The following PCDHGA4 variants were observed in gnomAD, a reference collection of about 807,000 sequenced individuals.
The protein encoded by PCDHGA4 is protocadherin gamma-A4.
PCDHGA4 carries 38 observed loss-of-function variants against 54.6 expected under a neutral mutation model. The ratio of observed to expected loss-of-function variants is 0.70; its 90% CI spans 0.54 to 0.91. PCDHGA4 has a LOEUF of 0.91. Among genes scored for constraint, PCDHGA4 ranks in the 40% least tolerant of loss-of-function variants. The pLI is 0.00. For synonymous variants in PCDHGA4, 511 were observed against 512.9 expected (o/e 1.00, Z 0.05); for missense variants, 1,298 against 1,220.9 (o/e 1.06, Z -0.94).
intron 1 of PCDHGA4, among the ~76,000 whole-genome samples, chr5:141,470,600 G>A (rs890975756): frequency 4.6e-5 from 7 of 152,142 alleles, no homozygotes; most frequent in South Asian, 2.1e-4. Context: ...CGACCTGTGC[G>A]GGGACACAGG....
At chr5:141,464,189 C>T (rs1215955823) in intron 1 of PCDHGA4, among the ~76,000 whole-genome samples, 1 of 150,620 alleles carries the variant, frequency 6.6e-6, no homozygotes, top group Non-Finnish European at 1.5e-5. Context: ...TGCTTGATTT[C>T]AGGAGGCGGA....
chr5:141,504,135 C>T (rs758903340), intron 2 of PCDHGA4, among the ~76,000 whole-genome samples: 1 of 152,188 alleles, frequency 6.6e-6, no homozygotes, highest in Non-Finnish European at 1.5e-5. Context: ...CCCGCCAACA[C>T]TCCCCTGCAA....
At position 141,417,952 on chromosome 5, in the gene PCDHGA4, G is replaced by C. The variant is rs766243694; in HGVS notation, c.2514+60331G>C. 10 of 1,613,510 alleles carry C rather than the reference G, an allele frequency of 6.2e-6. No individual in the cohort carries two copies. In the African/African-American group the frequency reaches 1.3e-4, roughly 22 times the overall value. On this transcript the variant is annotated intron_variant, in intron 1 of 3. Coordinates refer to ENST00000571252, the MANE Select transcript of PCDHGA4 (RefSeq NM_018917.4). ...CTTTGTTCTACCCCACGCTGTGTGA[G>C]CCGATCCGCTACTCGATTCCGGAGG...
chr5:141,399,054 G>T (rs76381401), intron 1 of PCDHGA4: 1 of 1,613,694 alleles, frequency 6.2e-7, no homozygotes, highest in South Asian at 1.1e-5. Context: ...AAGAGACCAA[G>T]GAATATTCAA....
At chr5:141,475,762 G>A (rs4151701) in intron 1 of PCDHGA4, among the ~76,000 whole-genome samples, 9,255 of 152,346 alleles carry the variant, frequency 0.061, 562 homozygotes, top group African/African-American at 0.16. Context: ...CACCGATACT[G>A]GCAAGGCGCT....
At chr5:141,497,820 G>A (rs1595489288) in intron 2 of PCDHGA4, among the ~76,000 whole-genome samples, 1 of 152,226 alleles carries the variant, frequency 6.6e-6, no homozygotes, top group Admixed American at 6.5e-5. Flanking sequence ...AATTACAGGT[G>A]TGATCGCCCC....
At position 141,361,017 on chromosome 5, in the gene PCDHGA4, A is replaced by G. The variant is rs767981942; in HGVS notation, c.2514+3396A>G. 1.9e-6 allele frequency: 3 copies of G among 1,613,324 alleles called. No individual in the cohort carries two copies. The Admixed American group carries it at 5.0e-5, about 27-fold the overall frequency. On this transcript the variant is annotated intron_variant, in intron 1 of 3. Transcript: ENST00000571252. ...AACAAGTGAAACACTTTTTCAACTTAAATGAAAAAACAGGAGAAATCACGA... is the reference window on the plus strand; with the variant it reads ...AACAAGTGAAACACTTTTTCAACTTGAATGAAAAAACAGGAGAAATCACGA...
At chr5:141,399,933 C>T in intron 1 of PCDHGA4, 5 of 1,612,358 alleles carry the variant, frequency 3.1e-6, no homozygotes, top group Non-Finnish European at 1.7e-6. Context: ...GGCTGTCCTA[C>T]CACGTGCTGC....
chr5:141,419,905 T>G (rs916259620), intron 1 of PCDHGA4: 23 of 1,613,978 alleles, frequency 1.4e-5, no homozygotes, highest in Non-Finnish European at 1.9e-5. Context: ...CCACACCCTC[T>G]GACTCCCAGG....
At chr5:141,403,704 T>C (rs1207597755) in intron 1 of PCDHGA4, 2 of 1,613,846 alleles carry the variant, frequency 1.2e-6, no homozygotes, top group East Asian at 4.5e-5. Context: ...CGAGTTAAAG[T>C]CCTTGAGAAC....
At chr5:141,478,740 C>T (rs2099474176) in intron 1 of PCDHGA4, 7 of 1,531,524 alleles carry the variant, frequency 4.6e-6, no homozygotes, top group Non-Finnish European at 6.2e-6. Flanking sequence ...GGTTTGTGGT[C>T]CCATTTCAGG....
chr5:141,366,015 T>A, intron 1 of PCDHGA4: 1 of 1,614,144 alleles, frequency 6.2e-7, no homozygotes, highest in Non-Finnish European at 8.5e-7. Flanking sequence ...ACGCCTGAGA[T>A]CCTGTACCCC....
At chr5:141,501,569 G>A (rs1401631416) in intron 2 of PCDHGA4, among the ~76,000 whole-genome samples, 3 of 151,998 alleles carry the variant, frequency 2.0e-5, no homozygotes, top group African/African-American at 7.2e-5. Flanking sequence ...AATCATATTA[G>A]GCTGGCTTTC....
rs2097718776 is a variant in PCDHGA4, at chr5:141,434,813, T to C, written c.2515-59994T>C. On this transcript the variant is annotated intron_variant, in intron 1 of 3. Coordinates refer to ENST00000571252, the MANE Select transcript of PCDHGA4 (RefSeq NM_018917.4). ...TTTTTTCTGAGCTTGGAGAAATATA[T>C]CCCTTAGTACACTTGGCATTTATAA... Among the ~76,000 whole-genome samples, 5 of 151,962 alleles carry C rather than the reference T, an allele frequency of 3.3e-5. No individual in the cohort carries two copies. In the South Asian group the frequency reaches 1.0e-3, roughly 32 times the overall value.
At chr5:141,383,567 C>T in intron 1 of PCDHGA4, 1 of 1,613,214 alleles carries the variant, frequency 6.2e-7, no homozygotes, top group Non-Finnish European at 8.5e-7. Context: ...CCGCCCCGAT[C>T]CAGCACCGCC....
chr5:141,395,483 AT>A lies in PCDHGA4; in HGVS notation c.2514+37864del, dbSNP rs2093238640. ...TTAAGCCTTCCAGTATTTTATTCCT[AT>A]TATCACTCATTCACTTAAGAAGTAG... On this transcript the variant is annotated intron_variant, in intron 1 of 3. Transcript: ENST00000571252. The A allele has an allele frequency of 5.8e-6, 3 of 512,838 alleles. No individual in the cohort carries two copies. The South Asian group carries it at 8.4e-5, about 14-fold the overall frequency. The allele number at this position is 512,838 out of a possible 1,614,324, so 31.8% of individuals were successfully genotyped here.
chr5:141,374,951 C>G (rs780549456), intron 1 of PCDHGA4: 22 of 1,613,900 alleles, frequency 1.4e-5, no homozygotes, highest in Admixed American at 1.7e-5. Context: ...AAAGATCTCA[C>G]AAATTTTCTG....
At chr5:141,382,896 G>T (rs754850386) in intron 1 of PCDHGA4, 1 of 1,537,674 alleles carries the variant, frequency 6.5e-7, no homozygotes, top group Admixed American at 2.1e-5. Context: ...GAAGCAGGAC[G>T]ACTATGGCGG....
intron 1 of PCDHGA4, chr5:141,391,117 G>C (rs1180056630): frequency 6.6e-6 from 1 of 152,054 alleles, no homozygotes; most frequent in African/African-American, 2.4e-5. Flanking sequence ...TATAGCTAGA[G>C]GTCTTCTAAT....
Sources: gnomAD v4.1 joint callset for allele counts (sites outside exome capture counted in the v4.1 genomes callset) on GRCh38, gnomAD v4.1.1 for gene constraint, MANE v1.5 for transcripts, NCBI Gene and HGNC (gene_info 2026-07-23, HGNC 2026-07-21) for gene names.